Variants in L3MBTL4 observed in about 807,000 individuals in gnomAD.
The protein encoded by L3MBTL4 is L3MBTL histone methyl-lysine binding protein 4.
In L3MBTL4, 70 loss-of-function variants were observed where a neutral mutation model predicts 84.5. The observed-to-expected ratio is 0.83, with a 90% CI of 0.68 to 1.01. The LOEUF (loss-of-function observed/expected upper bound fraction) is 1.01, where lower values mean the gene tolerates loss of function less well. L3MBTL4 is among the 50% of genes least tolerant of loss of function. L3MBTL4 has a pLI of 0.00. For synonymous variants in L3MBTL4, 274 were observed against 259.8 expected (o/e 1.05, Z -0.52); for missense variants, 715 against 754.8 (o/e 0.95, Z 0.62).
chr18:6,012,578 A>T (rs923003514), intron 16 of L3MBTL4, among the ~76,000 whole-genome samples: 2 of 151,994 alleles, frequency 1.3e-5, no homozygotes, highest in African/African-American at 4.8e-5. Flanking sequence ...TAATCCCAGC[A>T]CTTTGGGAGG....
chr18:6,348,298 T>C (rs1335752706), intron 1 of L3MBTL4, among the ~76,000 whole-genome samples: 2 of 151,992 alleles, frequency 1.3e-5, no homozygotes, highest in Non-Finnish European at 2.9e-5. Flanking sequence ...AACAGTTATA[T>C]GGAAATACAA....
intron 12 of L3MBTL4, among the ~76,000 whole-genome samples, chr18:6,210,306 G>C (rs531857349): frequency 2.0e-5 from 3 of 152,280 alleles, no homozygotes; most frequent in African/African-American, 7.2e-5. Flanking sequence ...GTGGGCTTGG[G>C]CACAAGCGAC....
At chr18:5,957,781 C>T (rs1481916324) in intron 18 of L3MBTL4, among the ~76,000 whole-genome samples, 1 of 151,234 alleles carries the variant, frequency 6.6e-6, no homozygotes, top group Non-Finnish European at 1.5e-5. Context: ...CATGGTGAGA[C>T]CCCCCGCCCC....
At chr18:6,030,148 T>A in intron 16 of L3MBTL4, 1 of 800,752 alleles carries the variant, frequency 1.2e-6, no homozygotes, top group Non-Finnish European at 1.5e-6. Flanking sequence ...CATACACACA[T>A]ATATTTAAAT....
intron 16 of L3MBTL4, among the ~76,000 whole-genome samples, chr18:6,002,635 T>A (rs975976932): frequency 1.4e-4 from 21 of 152,152 alleles, no homozygotes; most frequent in Non-Finnish European, 1.0e-4. Context: ...GCTACAATTT[T>A]AGGGTGTTAA....
At chr18:6,072,810 CGT>C (rs2057710883) in intron 16 of L3MBTL4, among the ~76,000 whole-genome samples, 1 of 137,788 alleles carries the variant, frequency 7.3e-6, no homozygotes, top group East Asian at 2.1e-4. Context: ...GAGCCCAGAT[CGT>C]GCCACTGCAC....
intron 4 of L3MBTL4, among the ~76,000 whole-genome samples, chr18:6,265,849 G>T (rs570364953): frequency 6.6e-6 from 1 of 152,258 alleles, no homozygotes; most frequent in South Asian, 2.1e-4. Context: ...GTTGCCCAAA[G>T]GATACAACGT....
intron 10 of L3MBTL4, among the ~76,000 whole-genome samples, chr18:6,235,249 C>T (rs2047170282): frequency 6.6e-6 from 1 of 152,128 alleles, no homozygotes. Context: ...AGCAAATCAA[C>T]ATGGCACATG....
chr18:6,071,275 C>T (rs996400286), intron 16 of L3MBTL4, among the ~76,000 whole-genome samples: 23 of 151,918 alleles, frequency 1.5e-4, no homozygotes, highest in Admixed American at 1.3e-3. Context: ...TCTGTAATCC[C>T]AGCTACTTGT....
intron 13 of L3MBTL4, among the ~76,000 whole-genome samples, chr18:6,151,479 G>A (rs2042892719): frequency 6.6e-6 from 1 of 152,180 alleles, no homozygotes; most frequent in African/African-American, 2.4e-5. Context: ...TGCAACCTCT[G>A]CCTCCCAGAT....
intron 1 of L3MBTL4, among the ~76,000 whole-genome samples, chr18:6,373,477 A>G (rs867801030): frequency 4.6e-5 from 7 of 152,276 alleles, no homozygotes; most frequent in Middle Eastern, 3.4e-3. Context: ...GGCAGCAGCC[A>G]TGCCTAGTTC....
intron 14 of L3MBTL4, among the ~76,000 whole-genome samples, chr18:6,121,499 G>T (rs1352999823): frequency 3.9e-5 from 6 of 152,120 alleles, no homozygotes; most frequent in Non-Finnish European, 8.8e-5. Context: ...AAATCATCAT[G>T]CCCAGCTTAA....
chr18:6,189,805 G>C (rs914523063), intron 12 of L3MBTL4, among the ~76,000 whole-genome samples: 9 of 152,084 alleles, frequency 5.9e-5, no homozygotes, highest in African/African-American at 2.2e-4. Context: ...TGGCATAAAA[G>C]ACAGATCAAT....
chr18:6,235,375 C>A (rs2047175994), intron 10 of L3MBTL4, among the ~76,000 whole-genome samples: 1 of 151,992 alleles, frequency 6.6e-6, no homozygotes, highest in Non-Finnish European at 1.5e-5. Context: ...GAAAATTGTA[C>A]ATGAATGCTT....
At chr18:6,282,156 C>T (rs1035896316) in intron 4 of L3MBTL4, among the ~76,000 whole-genome samples, 2 of 152,172 alleles carry the variant, frequency 1.3e-5, no homozygotes, top group African/African-American at 2.4e-5. Context: ...CTAATTAAAC[C>T]AATACTCATG....
chr18:6,322,244 G>A (rs2051443667), intron 1 of L3MBTL4, among the ~76,000 whole-genome samples: 1 of 151,706 alleles, frequency 6.6e-6, no homozygotes, highest in South Asian at 2.1e-4. Flanking sequence ...ATGCTGAGGT[G>A]GGAGGATTGC....
At chr18:6,168,923 T>G (rs2043821627) in intron 13 of L3MBTL4, among the ~76,000 whole-genome samples, 1 of 152,148 alleles carries the variant, frequency 6.6e-6, no homozygotes, top group Non-Finnish European at 1.5e-5. Flanking sequence ...TTTTGCAACC[T>G]ACTCATCTGA....
chr18:6,360,167 C>T (rs2053620791), intron 1 of L3MBTL4, among the ~76,000 whole-genome samples: 1 of 152,102 alleles, frequency 6.6e-6, no homozygotes, highest in Non-Finnish European at 1.5e-5. Flanking sequence ...GTCAGGAGTT[C>T]AAGACCAGCC....
chr18:6,316,216 G>A (rs909420077), intron 1 of L3MBTL4, among the ~76,000 whole-genome samples: 12 of 151,638 alleles, frequency 7.9e-5, no homozygotes, highest in African/African-American at 2.9e-4. Flanking sequence ...CACATCACTG[G>A]ACCCCTTGCA....
Sources: gnomAD v4.1 joint callset for allele counts (sites outside exome capture counted in the v4.1 genomes callset) on GRCh38, gnomAD v4.1.1 for gene constraint, MANE v1.5 for transcripts, NCBI Gene and HGNC (gene_info 2026-07-23, HGNC 2026-07-21) for gene names.